The following SEC23IP variants were observed in gnomAD, a reference collection of about 807,000 sequenced individuals.
The protein encoded by SEC23IP is SEC23 interacting protein.
A neutral mutation model predicts 113.4 loss-of-function variants in SEC23IP; 70 were observed. The ratio of observed to expected loss-of-function variants is 0.62; its 90% CI spans 0.51 to 0.75. The LOEUF (loss-of-function observed/expected upper bound fraction) is 0.75, where lower values mean the gene tolerates loss of function less well. Ranked by LOEUF, SEC23IP falls within the 30% of genes least tolerant of loss-of-function variation. SEC23IP has a pLI of 0.00. For missense variants in SEC23IP, 1,160 were observed against 1,204.9 expected, an observed-to-expected ratio of 0.96 and a Z score of 0.55; for synonymous variants, 398 against 421.0, an observed-to-expected ratio of 0.95 and a Z score of 0.67.
chr10:119,938,221 G>C (rs562043796), intron 18 of SEC23IP, among the ~76,000 whole-genome samples: 1 of 152,206 alleles, frequency 6.6e-6, no homozygotes, highest in African/African-American at 2.4e-5. Flanking sequence ...CTGGTCACTG[G>C]GGGAGGGGCT....
At chr10:119,900,953 T>G (rs7915430) in intron 2 of SEC23IP, among the ~76,000 whole-genome samples, 27,926 of 151,336 alleles carry the variant, frequency 0.18, 2,715 homozygotes, top group Non-Finnish European at 0.22. Flanking sequence ...TATTTTTTTT[T>G]TGTGTGAACA....
chr10:119,909,218 T>C (rs1854777284), intron 5 of SEC23IP, 88 bp downstream of exon 5: 1 of 804,988 alleles, frequency 1.2e-6, no homozygotes, highest in Non-Finnish European at 2.0e-6. Context: ...TTTTAGTAAC[T>C]TCTACAGTGG....
intron 3 of SEC23IP, among the ~76,000 whole-genome samples, chr10:119,903,494 A>G (rs1164644254): frequency 6.6e-6 from 1 of 152,106 alleles, no homozygotes; most frequent in Non-Finnish European, 1.5e-5. Flanking sequence ...GTTTATCCTG[A>G]TATATTATTA....
At chr10:119,917,117 C>T (rs1589836735) in intron 8 of SEC23IP, among the ~76,000 whole-genome samples, 2 of 152,318 alleles carry the variant, frequency 1.3e-5, no homozygotes, top group Non-Finnish European at 2.9e-5. Flanking sequence ...GGTCCTCCTG[C>T]CCTAGCCTCT....
At chr10:119,894,915 T>TGA (rs1390570608) in intron 1 of SEC23IP, among the ~76,000 whole-genome samples, 3 of 151,448 alleles carry the variant, frequency 2.0e-5, no homozygotes, top group African/African-American at 4.9e-5. Context: ...TGTGTGTGTG[T>TGA]GTGTGTGTGT....
Position 119,898,835 on chromosome 10 carries a change from G to C in SEC23IP, c.572G>C (p.Arg191Thr). 2 of 1,613,658 alleles carry C rather than the reference G, an allele frequency of 1.2e-6. No homozygotes were observed. The highest frequency in any genetic ancestry group is 1.7e-6 in the Non-Finnish European group (2 of 1,180,030). The change falls in exon 2 of 19, where the codon AGG (arginine) becomes ACG (threonine). Residue 191 changes from arginine to threonine, a missense_variant. By Grantham distance (71) the Arg-to-Thr change is moderately conservative. Transcript: ENST00000369075. ...NPYRHTPGSSRANPYIAPPQL... is the reference protein window; with the variant it reads ...NPYRHTPGSSTANPYIAPPQL... ...TATCGCCATACCCCTGGCAGCAGCA[G>C]GGCTAATCCTTACATTGCACCACCC...
chr10:119,895,302 TGAG>T (rs1296588628), intron 1 of SEC23IP, among the ~76,000 whole-genome samples: 4 of 152,080 alleles, frequency 2.6e-5, no homozygotes, highest in Non-Finnish European at 5.9e-5. Flanking sequence ...GAGAATCGCT[TGAG>T]GAGGAGGTTG....
chr10:119,892,967 C>G lies in SEC23IP; in HGVS notation c.163+22C>G, dbSNP rs568199079. The G allele has an allele frequency of 8.2e-5, 131 of 1,598,692 alleles. No homozygotes were observed. The South Asian group carries it at 1.4e-3, about 17-fold the overall frequency. On this transcript the variant is annotated intron_variant, in intron 1 of 18. Transcript: ENST00000369075. ...GGAGGTAATAAGGGGAGGGCGGCCC[C>G]GTGTGTGGTGGGAGGCGGGCGGGGG... is the stretch of plus-strand genomic sequence containing the variant.
chr10:119,919,402 T>C, intron 10 of SEC23IP, 42 bp from the exon 11 acceptor site: 1 of 1,561,222 alleles, frequency 6.4e-7, no homozygotes. Context: ...ATATGGGAGT[T>C]TTTCTGAGCT....
At chr10:119,914,655 A>G (rs909680488) in intron 6 of SEC23IP, 75 bp from the exon 7 acceptor site, 2 of 1,155,492 alleles carry the variant, frequency 1.7e-6, no homozygotes, top group African/African-American at 1.5e-5. Context: ...CGAAAGGGAT[A>G]TCTAGAATAT....
rs1854547121 is a variant in SEC23IP at position 119,902,961 on chromosome 10, C to A, written c.859C>A (p.Pro287Thr). ...KEVEYKQLWM[P>T]FSVFDSLNLE... ...GGTAGAATACAAACAACTGTGGATG[C>A]CTTTTAGTGTGTTCGACTCTTTGAA... The change falls in exon 3 of 19, where the codon CCT becomes ACT. Residue 287 changes from proline (P) to threonine (T), a missense_variant. Transcript: ENST00000369075. The A allele has an allele frequency of 8.7e-6, 14 of 1,614,092 alleles. No individual in the cohort carries two copies. The highest frequency in any genetic ancestry group is 1.2e-5 in the Non-Finnish European group (14 of 1,180,002).
Position 119,932,249 on chromosome 10 carries a change from C to T in SEC23IP, c.2689C>T (p.Gln897Ter). Residue 897 changes from glutamine to a stop codon, truncating the protein, a stop_gained, in exon 16 of 19, where the codon CAG (glutamine) becomes TAG (stop). Transcript: ENST00000369075. LOFTEE classifies it high-confidence loss of function. ...EFARAHTSST[Q>*]LQEELEKVAN... Reference sequence around the variant, plus strand: ...TGCCCGTGCTCATACGTCTTCAACCCAGTTGCAAGAAGAATTGGAGAAGGT... The same window carrying T: ...TGCCCGTGCTCATACGTCTTCAACCTAGTTGCAAGAAGAATTGGAGAAGGT... 6.2e-7 allele frequency: 1 copy of T among 1,613,884 alleles called. No homozygotes were observed.
chr10:119,938,586 T>C (rs1156357179), intron 18 of SEC23IP, among the ~76,000 whole-genome samples: 1 of 152,194 alleles, frequency 6.6e-6, no homozygotes, highest in Non-Finnish European at 1.5e-5. Flanking sequence ...GTTTTAATAA[T>C]TGTAATTTTT....
intron 18 of SEC23IP, among the ~76,000 whole-genome samples, chr10:119,935,680 C>T (rs1855754621): frequency 6.6e-6 from 1 of 152,156 alleles, no homozygotes; most frequent in Non-Finnish European, 1.5e-5. Context: ...CCCTCAAGGA[C>T]CTTTTTTCCT....
chr10:119,898,407 G>A lies in SEC23IP; in HGVS notation c.164-20G>A, dbSNP rs1176274045. On this transcript the variant is annotated intron_variant, in intron 1 of 18. Coordinates refer to ENST00000369075, the MANE Select transcript of SEC23IP (RefSeq NM_007190.4). ...TGATAGAGTACCCTTTAAACCACAT[G>A]CTCTCCTGTTCCATTTCAGAGGATT... is the stretch of plus-strand genomic sequence containing the variant. 6.3e-7 allele frequency: 1 copy of A among 1,594,172 alleles called. No homozygotes were observed. The highest frequency in any genetic ancestry group is 8.6e-7 in the Non-Finnish European group (1 of 1,169,270).
rs1224511333 is a variant in SEC23IP, at chr10:119,919,586, T to C, written c.2015T>C (p.Met672Thr). 1 of 1,612,512 alleles carries C rather than the reference T, an allele frequency of 6.2e-7. No individual in the cohort carries two copies. The highest frequency in any genetic ancestry group is 1.1e-5 in the South Asian group (1 of 90,658). Residue 672 changes from methionine to threonine, a missense_variant, in exon 11 of 19, where the codon ATG (methionine) becomes ACG (threonine). Transcript: ENST00000369075. Reference protein sequence around the residue: ...FSTFEKEKIDMESLLMCTVDD... With the variant: ...FSTFEKEKIDTESLLMCTVDD... ...ACTTTTGAAAAGGAAAAGATTGATA[T>C]GGAGTCCCTGGTACTGATCATAGTT...
chr10:119,911,168 G>A (rs1854849224), intron 5 of SEC23IP, among the ~76,000 whole-genome samples: 1 of 151,742 alleles, frequency 6.6e-6, no homozygotes, highest in Admixed American at 6.6e-5. Context: ...AATTGAAATT[G>A]TAGTTTAATT....
intron 13 of SEC23IP, among the ~76,000 whole-genome samples, chr10:119,928,197 T>A (rs979023900): frequency 6.6e-6 from 1 of 152,240 alleles, no homozygotes; most frequent in Non-Finnish European, 1.5e-5. Context: ...TTTTCTCATA[T>A]GTTTTTTAAA....
chr10:119,919,073 A>G (rs1436953213), intron 10 of SEC23IP, among the ~76,000 whole-genome samples: 1 of 144,396 alleles, frequency 6.9e-6, no homozygotes, highest in East Asian at 2.0e-4. Context: ...GGCTCACTGC[A>G]ACCTCCGCCT....
Sources: allele counts gnomAD v4.1 joint callset (sites outside exome capture counted in the v4.1 genomes callset), GRCh38; gene constraint gnomAD v4.1.1; transcripts MANE v1.5; gene names NCBI Gene and HGNC (gene_info 2026-07-23, HGNC 2026-07-21).